The following DNAJC27 variants were observed in gnomAD, a reference collection of about 807,000 sequenced individuals.
DNAJC27 encodes the protein dnaJ homolog subfamily C member 27.
DNAJC27 carries 25 observed loss-of-function variants against 31.4 expected under a neutral mutation model. The observed-to-expected ratio is 0.80, with a 90% CI of 0.58 to 1.11. The LOEUF is 1.11. DNAJC27 is among the 50% of genes most tolerant of loss of function. The pLI is 0.00. For missense variants in DNAJC27, 356 were observed against 347.3 expected (o/e 1.02, Z -0.20); for synonymous variants, 106 against 112.7 (o/e 0.94, Z 0.37).
intron 3 of DNAJC27, among the ~76,000 whole-genome samples, chr2:24,959,252 C>G (rs1014173993): frequency 2.0e-5 from 3 of 152,110 alleles, no homozygotes; most frequent in Non-Finnish European, 4.4e-5. Flanking sequence ...ACCAACTCCC[C>G]TTCTCTCTAT....
Position 24,947,740 on chromosome 2 carries a change from A to G in DNAJC27, c.698T>C (p.Val233Ala). 6.2e-7 allele frequency: 1 copy of G among 1,611,488 alleles called. No homozygotes were observed. The highest frequency in any genetic ancestry group is 8.5e-7 in the Non-Finnish European group (1 of 1,177,916). Residue 233 changes from valine to alanine, a missense_variant, in exon 7 of 7, where the codon GTC becomes GCC. Physicochemically the swap from Val to Ala is moderately conservative, Grantham distance 64 (BLOSUM62 0). Transcript: ENST00000264711. ...AGCAAGTTTCCGATACGCTTTATTG[A>G]CTTCATCCCTGGGAAAAGAAGCCAA... ...GVKPGASRDE[V>A]NKAYRKLAVL...
At chr2:24,969,010 G>A (rs1666258390) in intron 1 of DNAJC27, 1 of 160,082 alleles carries the variant, frequency 6.2e-6, no homozygotes, top group Non-Finnish European at 1.4e-5. Flanking sequence ...TTGAGCCAAA[G>A]GGTGACTCTA....
intron 2 of DNAJC27, among the ~76,000 whole-genome samples, chr2:24,964,324 AG>A (rs1039550417): frequency 2.6e-5 from 4 of 151,564 alleles, no homozygotes; most frequent in African/African-American, 9.7e-5. Flanking sequence ...CAGGAGGCTG[AG>A]GCAGGAGAAT....
At chr2:24,969,663 G>A (rs919686980) in intron 1 of DNAJC27, among the ~76,000 whole-genome samples, 1 of 152,114 alleles carries the variant, frequency 6.6e-6, no homozygotes, top group African/African-American at 2.4e-5. Flanking sequence ...TATTTTAGTA[G>A]AGATGGGGTT....
rs147389961 is a variant in DNAJC27 at position 24,947,355 on chromosome 2, C to T, written c.*261G>A. On this transcript the variant is annotated 3_prime_UTR_variant, in exon 7 of 7. Coordinates refer to ENST00000264711, the MANE Select transcript of DNAJC27 (RefSeq NM_016544.3). ...AGTGATACTATAATTACAGAGCTGA[C>T]GAATGAGAAAAAAATTCAGAATTAT... The T allele has an allele frequency of 1.0e-3, 351 of 339,078 alleles. 1 individual carries two copies. Among genetic ancestry groups the T allele is most frequent in the Non-Finnish European group, 1.6e-3 (298 of 186,106 alleles). The allele number at this position is 339,078 out of a possible 1,614,324, so 21.0% of individuals were successfully genotyped here.
intron 1 of DNAJC27, among the ~76,000 whole-genome samples, chr2:24,968,621 C>T (rs983702864): frequency 2.0e-5 from 3 of 151,868 alleles, no homozygotes; most frequent in African/African-American, 4.8e-5. Context: ...AGATTACAGG[C>T]GTGAGCCACT....
chr2:24,951,055 T>C (rs1665763370), intron 6 of DNAJC27, among the ~76,000 whole-genome samples: 1 of 152,210 alleles, frequency 6.6e-6, no homozygotes, highest in Non-Finnish European at 1.5e-5. Context: ...GACAAGTTGA[T>C]TGCCAACGTG....
In DNAJC27 at chr2:24,945,573, T is replaced by G. The variant is rs1665628719; in HGVS notation, c.*2043A>C. 6.6e-6 allele frequency: 1 copy of G among 152,190 alleles called. No individual in the cohort carries two copies. Among genetic ancestry groups the G allele is most frequent in the African/African-American group, 2.4e-5 (1 of 41,434 alleles). The allele number at this position is 152,190 out of a possible 1,614,324, so 9.4% of individuals were successfully genotyped here. A position where few individuals can be genotyped will look rare whatever the true frequency, so the allele number is the denominator to read the frequency against. Reference sequence around the variant, plus strand: ...TTCATATGACTTCTACATTCTGCTGTGAGGACAGACATGTCTGAGTGCTTT... The same window carrying G: ...TTCATATGACTTCTACATTCTGCTGGGAGGACAGACATGTCTGAGTGCTTT... On this transcript the variant is annotated 3_prime_UTR_variant, in exon 7 of 7. Transcript: ENST00000264711.
intron 5 of DNAJC27, chr2:24,953,579 G>C: frequency 2.4e-6 from 1 of 416,804 alleles, no homozygotes; most frequent in Non-Finnish European, 3.2e-6. Context: ...TTCTCTTCTT[G>C]TTAGCTTTTT....
intron 3 of DNAJC27, among the ~76,000 whole-genome samples, chr2:24,960,767 G>C (rs543893780): frequency 6.6e-6 from 1 of 152,344 alleles, no homozygotes; most frequent in East Asian, 1.9e-4. Context: ...TTTCCATGAA[G>C]GCTGAGAGAG....
chr2:24,963,034 G>C (rs1393886751), intron 3 of DNAJC27: 1 of 164,206 alleles, frequency 6.1e-6, no homozygotes, highest in African/African-American at 2.4e-5. Flanking sequence ...GAATAGGAAC[G>C]ATCACCCCAG....
At chr2:24,967,181 C>G (rs1270471579) in intron 2 of DNAJC27, 30 bp downstream of exon 2, 12 of 1,575,668 alleles carry the variant, frequency 7.6e-6, no homozygotes, top group Non-Finnish European at 1.0e-5. Flanking sequence ...TTCTATGTAA[C>G]TTACAAACCC....
rs368109312 is a variant in DNAJC27, at chr2:24,947,535, GA to G, written c.*80del. The G allele has an allele frequency of 1.6e-4, 240 of 1,495,334 alleles. 1 individual carries two copies. In the African/African-American group the frequency reaches 2.9e-3, roughly 18 times the overall value. The allele number at this position is 1,495,334 out of a possible 1,614,324, so 92.6% of individuals were successfully genotyped here. The stretch of plus-strand genomic sequence containing the variant: ...AAAAGAGCAGTGAGATTCTGGGAAG[GA>G]AAACTCCACGTTGGTTATTTCACCT... On this transcript the variant is annotated 3_prime_UTR_variant, in exon 7 of 7. Transcript: ENST00000264711.
In DNAJC27 at chr2:24,945,396, C is replaced by T. The variant is rs1038555689; in HGVS notation, c.*2220G>A. On this transcript the variant is annotated 3_prime_UTR_variant, in exon 7 of 7. Transcript: ENST00000264711. ...TGGGAGCACTAATGAATTTTCTCTG[C>T]TGTAATTGCTCATCTGTGCAATACG... 1.3e-5 allele frequency: 2 copies of T among 152,184 alleles called. No individual in the cohort carries two copies. Among genetic ancestry groups the T allele is most frequent in the Non-Finnish European group, 2.9e-5 (2 of 68,036 alleles). The allele number at this position is 152,184 out of a possible 1,614,324, so 9.4% of individuals were successfully genotyped here. A position where few individuals can be genotyped will look rare whatever the true frequency, so the allele number is the denominator to read the frequency against.
intron 1 of DNAJC27, 40 bp from the exon 2 acceptor site, chr2:24,967,333 G>T: frequency 7.9e-7 from 1 of 1,272,578 alleles, no homozygotes; most frequent in Non-Finnish European, 1.1e-6. Flanking sequence ...TAAATACATA[G>T]TGAGAACACA....
At chr2:24,956,333 T>A (rs1468437185) in intron 5 of DNAJC27, among the ~76,000 whole-genome samples, 1 of 152,244 alleles carries the variant, frequency 6.6e-6, no homozygotes, top group Non-Finnish European at 1.5e-5. Flanking sequence ...GCTGACTTTA[T>A]AAGTTATTGT....
chr2:24,972,019 C>G (rs1224096202), upstream of DNAJC27: 2 of 744,608 alleles, frequency 2.7e-6, no homozygotes, highest in Non-Finnish European at 4.0e-6. Context: ...GCCTCGCCTC[C>G]GCTGCTCGCC....
intron 6 of DNAJC27, among the ~76,000 whole-genome samples, chr2:24,948,409 A>G (rs1255145967): frequency 6.6e-6 from 1 of 152,160 alleles, no homozygotes; most frequent in Non-Finnish European, 1.5e-5. Flanking sequence ...CTGAATATCC[A>G]GGAGGAGAAG....
chr2:24,958,018 G>A (rs988332282), intron 3 of DNAJC27, 44 bp from the exon 4 acceptor site: 25 of 1,574,136 alleles, frequency 1.6e-5, no homozygotes, highest in Non-Finnish European at 2.2e-5. Context: ...TTTTTGTGAT[G>A]TTATAAGAAT....
Sources: gnomAD v4.1 joint callset for allele counts (sites outside exome capture counted in the v4.1 genomes callset) on GRCh38, gnomAD v4.1.1 for gene constraint, MANE v1.5 for transcripts, NCBI Gene and HGNC (gene_info 2026-07-23, HGNC 2026-07-21) for gene names.